Variants in ALK observed in about 807,000 individuals in gnomAD.
ALK encodes the protein ALK receptor tyrosine kinase, also known as ALK tyrosine kinase receptor.
In ALK, 74 loss-of-function variants were observed where a neutral mutation model predicts 163.1. The observed-to-expected ratio is 0.45, with a 90% CI of 0.38 to 0.55. ALK has a LOEUF of 0.55. ALK is among the 20% of genes least tolerant of loss of function. The pLI, the probability that ALK is intolerant of heterozygous loss-of-function variation, is 0.00. For missense variants in ALK, 2,063 were observed against 2,105.3 expected (o/e 0.98, Z 0.39); for synonymous variants, 960 against 843.2 (o/e 1.14, Z -2.40).
intron 4 of ALK, among the ~76,000 whole-genome samples, chr2:29,431,950 G>A (rs1009772269): frequency 2.0e-5 from 3 of 151,772 alleles, no homozygotes; most frequent in Non-Finnish European, 2.9e-5. Flanking sequence ...GTCCAGTCCC[G>A]TCCCATCCCA....
Position 29,391,163 on chromosome 2 carries a change from C to T in ALK, c.1155-7304G>A, listed in dbSNP as rs545784224. Among the ~76,000 whole-genome samples the T allele has an allele frequency of 5.9e-5, 9 of 152,112 alleles. No homozygotes were observed. In the South Asian group the frequency reaches 8.3e-4, roughly 14 times the overall value. On this transcript the variant is annotated intron_variant, in intron 4 of 28. Transcript: ENST00000389048. ...TTCATCAGAGATGTTATGTGGGTGA[C>T]GGGGATCTGGAAGGTAGGCTGGCCT... is the stretch of plus-strand genomic sequence containing the variant.
intron 13 of ALK, 77 bp downstream of exon 13, chr2:29,239,603 T>G: frequency 5.8e-5 from 90 of 1,552,342 alleles, no homozygotes; most frequent in Non-Finnish European, 7.1e-5. Flanking sequence ...AGGAGGGTGT[T>G]GAGTGTTGGT....
At chr2:29,518,100 G>A (rs887922618) in intron 4 of ALK, among the ~76,000 whole-genome samples, 2 of 152,226 alleles carry the variant, frequency 1.3e-5, no homozygotes, top group African/African-American at 4.8e-5. Flanking sequence ...TCCAATAGCA[G>A]AGAATGAGTC....
At chr2:29,254,496 G>T (rs1664904715) in intron 11 of ALK, among the ~76,000 whole-genome samples, 2 of 152,140 alleles carry the variant, frequency 1.3e-5, no homozygotes, top group South Asian at 4.1e-4. Flanking sequence ...TCTACTTCTG[G>T]CAAGGTGAGA....
chr2:29,356,460 T>G (rs17728368), intron 5 of ALK, among the ~76,000 whole-genome samples: 10,967 of 80,214 alleles, frequency 0.14, 522 homozygotes, highest in Non-Finnish European at 0.19. Flanking sequence ...CAGATTTAAT[T>G]TGGAAAAAAA....
intron 4 of ALK, among the ~76,000 whole-genome samples, chr2:29,459,292 C>T (rs1411392286): frequency 1.3e-5 from 2 of 152,040 alleles, no homozygotes; most frequent in Non-Finnish European, 2.9e-5. Context: ...GGTTGAAAGT[C>T]ACTTTCTCCA....
chr2:29,319,241 T>G (rs1221178396), intron 7 of ALK: 1 of 152,270 alleles, frequency 6.6e-6, no homozygotes, highest in Non-Finnish European at 1.5e-5. Context: ...TGGCCGGTGC[T>G]GTGGTATGAG....
rs74360487 is a variant in ALK at position 29,232,439 on chromosome 2, C to A, written c.2497G>T (p.Gly833Ter). ...GCAATGATCAGGGGCACCGGCACTC[C>A]ATCCTTCATCTGACCAGGGGAGACA... is the stretch of plus-strand genomic sequence containing the variant. Reference protein sequence around the residue: ...GATYVFKMKDGVPVPLIIAAG... With the variant: ...GATYVFKMKD Residue 833 changes from glycine to a stop codon, truncating the protein, a stop_gained, in exon 15 of 29, where the codon GGA becomes TGA. Coordinates refer to ENST00000389048, the MANE Select transcript of ALK (RefSeq NM_004304.5). LOFTEE classifies it high-confidence loss of function. The A allele has an allele frequency of 6.2e-6, 10 of 1,614,132 alleles. No homozygotes were observed. The highest frequency in any genetic ancestry group is 8.5e-6 in the Non-Finnish European group (10 of 1,180,052).
chr2:29,546,341 T>C (rs1236300191), intron 3 of ALK, among the ~76,000 whole-genome samples: 2 of 152,098 alleles, frequency 1.3e-5, no homozygotes, highest in Non-Finnish European at 2.9e-5. Context: ...AGCAAATAAA[T>C]AGAAAGAAAC....
intron 3 of ALK, among the ~76,000 whole-genome samples, chr2:29,642,616 G>C (rs1474847679): frequency 6.6e-6 from 1 of 151,962 alleles, no homozygotes; most frequent in African/African-American, 2.4e-5. Flanking sequence ...CTCTCTTTCA[G>C]CTTCCTTTTT....
intron 4 of ALK, among the ~76,000 whole-genome samples, chr2:29,454,901 T>C (rs907882842): frequency 2.6e-5 from 4 of 152,138 alleles, no homozygotes. Flanking sequence ...CCCTTAGTTG[T>C]TCAAATAAAA....
chr2:29,222,706 C>A (rs2148169718), intron 20 of ALK, 99 bp from the exon 21 acceptor site: 11 of 1,011,694 alleles, frequency 1.1e-5, no homozygotes, highest in Non-Finnish European at 1.7e-5. Context: ...AGTGGACAAA[C>A]ACGAGAGGCG....
chr2:29,669,101 C>G (rs925081672), intron 3 of ALK, among the ~76,000 whole-genome samples: 1 of 151,908 alleles, frequency 6.6e-6, no homozygotes, highest in Non-Finnish European at 1.5e-5. Flanking sequence ...CTGCAAATAT[C>G]AGTTAGGCAC....
At chr2:29,591,540 C>T (rs1420791588) in intron 3 of ALK, among the ~76,000 whole-genome samples, 2 of 152,066 alleles carry the variant, frequency 1.3e-5, no homozygotes, top group Admixed American at 6.6e-5. Flanking sequence ...GAATATAAAA[C>T]GTCAGAGGAG....
intron 1 of ALK, among the ~76,000 whole-genome samples, chr2:29,799,140 T>A (rs1257810469): frequency 1.3e-5 from 2 of 152,228 alleles, no homozygotes; most frequent in Non-Finnish European, 2.9e-5. Flanking sequence ...TATGGGCTTT[T>A]TCACCAGCCA....
chr2:29,559,407 G>A (rs1228885779), intron 3 of ALK, among the ~76,000 whole-genome samples: 2 of 152,142 alleles, frequency 1.3e-5, no homozygotes, highest in African/African-American at 4.8e-5. Flanking sequence ...GAGGCGTATG[G>A]GCTGAATTCT....
intron 26 of ALK, among the ~76,000 whole-genome samples, chr2:29,200,783 G>GTATATATACGTATATATATACGTATA (rs1305544191): frequency 5.5e-5 from 3 of 54,884 alleles, no homozygotes; most frequent in Admixed American, 3.4e-4. Flanking sequence ...GTATATATAT[G>GTATATATACGTATATATATACGTATA]TATATACATG....
chr2:29,872,241 T>C (rs1666594522), intron 1 of ALK, among the ~76,000 whole-genome samples: 1 of 152,138 alleles, frequency 6.6e-6, no homozygotes, highest in Non-Finnish European at 1.5e-5. Context: ...GGAATTTAAG[T>C]ACAGAGCAGG....
intron 11 of ALK, among the ~76,000 whole-genome samples, chr2:29,266,304 T>C (rs1292878249): frequency 6.6e-6 from 1 of 152,170 alleles, no homozygotes; most frequent in Non-Finnish European, 1.5e-5. Context: ...TTCAAGATAT[T>C]AACCTCCCCT....
Sources: gnomAD v4.1 joint callset for allele counts (sites outside exome capture counted in the v4.1 genomes callset) on GRCh38, gnomAD v4.1.1 for gene constraint, MANE v1.5 for transcripts, NCBI Gene and HGNC (gene_info 2026-07-23, HGNC 2026-07-21) for gene names.